Variants in OR51V1 observed in about 807,000 individuals in gnomAD.
OR51V1 encodes the protein olfactory receptor 51V1.
A neutral mutation model predicts 16.3 loss-of-function variants in OR51V1; 16 were observed. The observed-to-expected ratio is 0.98, with a 90% CI of 0.67 to 1.49. The LOEUF is 1.49. Ranked by LOEUF, OR51V1 falls within the 40% of genes most tolerant of loss-of-function variation. The pLI is 0.00. For synonymous variants in OR51V1, 189 were observed against 142.2 expected (o/e 1.33, Z -2.34); for missense variants, 469 against 380.4 (o/e 1.23, Z -1.94).
chr11:5,200,412 T>G lies in OR51V1; in HGVS notation c.271A>C (p.Ile91Leu). 1 of 1,613,730 alleles carries G rather than the reference T, an allele frequency of 6.2e-7. No homozygotes were observed. Among genetic ancestry groups the G allele is most frequent in the Non-Finnish European group, 8.5e-7 (1 of 1,179,906 alleles). Residue 91 changes from isoleucine to leucine, a missense_variant, in exon 1 of 1, where the codon ATC becomes CTC. Physicochemically the swap from Ile to Leu is conservative, Grantham distance 5. Coordinates refer to ENST00000641270, the MANE Select transcript of OR51V1 (RefSeq NM_001004760.3). ...VYTVLGILWG[I>L]IREISLDSCI... ...GAATCCAAGCTGATCTCTCGAATGA[T>G]CCCCCACAGGATCCCCAGCACTGTG...
At position 5,200,287 on chromosome 11, in the gene OR51V1, T is replaced by A; in HGVS notation, c.396A>T (p.Pro132=). ...TAGTCAGGATGGAGGAATAACGTAG[T>A]GGATTGCAAATTGCAATGTACCGGT... ...AFDRYIAICN[P]LRYSSILTNS... The change falls in exon 1 of 1, where the codon CCA becomes CCT. Residue 132 remains proline, a synonymous_variant. Coordinates refer to ENST00000641270, the MANE Select transcript of OR51V1 (RefSeq NM_001004760.3). 6.2e-7 allele frequency: 1 copy of A among 1,613,828 alleles called. No homozygotes were observed. Among genetic ancestry groups the A allele is most frequent in the East Asian group, 2.2e-5 (1 of 44,870 alleles).
In OR51V1 at chr11:5,199,736, CAA is replaced by C. The variant is rs757489937; in HGVS notation, c.945_946del (p.Tyr315Ter). On this transcript the variant is annotated frameshift_variant, in exon 1 of 1. Transcript: ENST00000641270. LOFTEE classifies it high-confidence loss of function. ...TTAGGCAATACATCTCAATATCTCT[CAA>C]TATCTTTTCAGAGAAAAGAGTCTAA... 1.1e-5 allele frequency: 17 copies of C among 1,585,024 alleles called. No homozygotes were observed. The East Asian group carries it at 1.4e-4, about 13-fold the overall frequency.
chr11:5,199,983 G>A lies in OR51V1; in HGVS notation c.700C>T (p.Gln234Ter). 2 of 1,614,082 alleles carry A rather than the reference G, an allele frequency of 1.2e-6. No homozygotes were observed. The highest frequency in any genetic ancestry group is 1.7e-6 in the Non-Finnish European group (2 of 1,179,972). ...ILKSVLAVAS[Q>*]EERHKLFQTC... Reference sequence around the variant, plus strand: ...TGAAATAATTTATGCCTCTCTTCCTGAGAGGCAACTGCCAGGACTGACTTA... The same window carrying A: ...TGAAATAATTTATGCCTCTCTTCCTAAGAGGCAACTGCCAGGACTGACTTA... Residue 234 changes from glutamine to a stop codon, truncating the protein, a stop_gained, in exon 1 of 1, where the codon CAG becomes TAG. Coordinates refer to ENST00000641270, the MANE Select transcript of OR51V1 (RefSeq NM_001004760.3). LOFTEE classifies it high-confidence loss of function.
chr11:5,199,830 G>A lies in OR51V1; in HGVS notation c.853C>T (p.Leu285Phe), dbSNP rs1300462878. 3 of 1,614,072 alleles carry A rather than the reference G, an allele frequency of 1.9e-6. No individual in the cohort carries two copies. In the South Asian group the frequency reaches 3.3e-5, roughly 18 times the overall value. Residue 285 changes from leucine (L) to phenylalanine (F), a missense_variant, in exon 1 of 1, where the codon CTT (leucine) becomes TTT (phenylalanine). Coordinates refer to ENST00000641270, the MANE Select transcript of OR51V1 (RefSeq NM_001004760.3). ...ATGGGATTCATTAAAGGTGGGAAAAGGATGTAGATGTTGCCAATGAGAACG... is the reference window on the plus strand; with the variant it reads ...ATGGGATTCATTAAAGGTGGGAAAAAGATGTAGATGTTGCCAATGAGAACG... ...AHVLIGNIYI[L>F]FPPLMNPIIY...
Position 5,199,740 on chromosome 11 carries a change from A to C in OR51V1, c.943T>G (p.Tyr315Asp). ...GCAATACATCTCAATATCTCTCAAT[A>C]TCTTTTCAGAGAAAAGAGTCTAAGC... ...RMLRLFSLKRY is the reference protein window; with the variant it reads ...RMLRLFSLKRD Residue 315 changes from tyrosine to aspartate, a missense_variant, in exon 1 of 1, where the codon TAT (tyrosine) becomes GAT (aspartate). By Grantham distance (160) the Tyr-to-Asp change is radical. Transcript: ENST00000641270. 7.6e-6 allele frequency: 12 copies of C among 1,587,790 alleles called. No individual in the cohort carries two copies. Among genetic ancestry groups the C allele is most frequent in the Non-Finnish European group, 1.0e-5 (12 of 1,163,964 alleles).
At position 5,199,985 on chromosome 11, in the gene OR51V1, G is replaced by A. The variant is rs762239019; in HGVS notation, c.698C>T (p.Ser233Phe). The stretch of plus-strand genomic sequence containing the variant: ...AAATAATTTATGCCTCTCTTCCTGA[G>A]AGGCAACTGCCAGGACTGACTTAAG... Reference protein sequence around the residue: ...LILKSVLAVASQEERHKLFQT... With the variant: ...LILKSVLAVAFQEERHKLFQT... The change falls in exon 1 of 1, where the codon TCT (serine) becomes TTT (phenylalanine). Residue 233 changes from serine to phenylalanine, a missense_variant. Transcript: ENST00000641270. The A allele has an allele frequency of 1.2e-6, 2 of 1,614,092 alleles. No homozygotes were observed. The highest frequency in any genetic ancestry group is 2.7e-5 in the African/African-American group (2 of 75,020).
Position 5,200,197 on chromosome 11 carries a change from G to T in OR51V1, c.486C>A (p.Pro162=). 1 of 1,611,672 alleles carries T rather than the reference G, an allele frequency of 6.2e-7. No individual in the cohort carries two copies. Among genetic ancestry groups the T allele is most frequent in the Non-Finnish European group, 8.5e-7 (1 of 1,178,666 alleles). Residue 162 remains proline, a synonymous_variant, in exon 1 of 1, where the codon CCC becomes CCA. Coordinates refer to ENST00000641270, the MANE Select transcript of OR51V1 (RefSeq NM_001004760.3). The part of the protein sequence containing the change: ...IGRSFFFITP[P]IICLKFFNYC... Reference sequence around the variant, plus strand: ...AATTAAAAAATTTCAGACAGATGATGGGGGGTGTAATAAAGAAAAAACTCC... The same window carrying T: ...AATTAAAAAATTTCAGACAGATGATTGGGGGTGTAATAAAGAAAAAACTCC...
chr11:5,200,101 G>A lies in OR51V1; in HGVS notation c.582C>T (p.Asp194=). The A allele has an allele frequency of 6.2e-7, 1 of 1,613,820 alleles. No individual in the cohort carries two copies. The highest frequency in any genetic ancestry group is 8.5e-7 in the Non-Finnish European group (1 of 1,179,714). Residue 194 remains aspartate (D), a synonymous_variant, in exon 1 of 1, where the codon GAC becomes GAT. Coordinates refer to ENST00000641270, the MANE Select transcript of OR51V1 (RefSeq NM_001004760.3). ...HQDLLRLACS[D]IRFNSYYALM... ...GGGCATAGTAACTATTGAATCGGAT[G>A]TCTGAACAGGCTAAGCGGAGAAGAT...
At position 5,200,467 on chromosome 11, in the gene OR51V1, A is replaced by G. The variant is rs1243722297; in HGVS notation, c.216T>C (p.Thr72=). 6.2e-7 allele frequency: 1 copy of G among 1,613,928 alleles called. No homozygotes were observed. Among genetic ancestry groups the G allele is most frequent in the East Asian group, 2.2e-5 (1 of 44,844 alleles). ...MFYFLSMLAL[T]DLCMGLSTVY... is the part of the protein sequence containing the mutation. ...CAGTGGACAGCCCCATGCACAGGTC[A>G]GTGAGGGCCAGCATGGACAGGAAGT... The change falls in exon 1 of 1, where the codon ACT becomes ACC. Residue 72 remains threonine, a synonymous_variant. Transcript: ENST00000641270.
In OR51V1 at chr11:5,200,050, C is replaced by T. The variant is rs201823376; in HGVS notation, c.633G>A (p.Leu211=). The T allele has an allele frequency of 1.9e-6, 3 of 1,610,766 alleles. No homozygotes were observed. Among genetic ancestry groups the T allele is most frequent in the African/African-American group, 2.7e-5 (2 of 74,914 alleles). ...AGAAAAGGATGAGTATAGCATCCAA[C>T]AACAGTATGCAAATAACCAGCATCA... is the stretch of plus-strand genomic sequence containing the variant. ...YALMLVICIL[L]LDAILILFSY... Residue 211 remains leucine (L), a synonymous_variant, in exon 1 of 1, where the codon TTG becomes TTA. Transcript: ENST00000641270.
Position 5,199,742 on chromosome 11 carries a change from C to G in OR51V1, c.941G>C (p.Arg314Thr), listed in dbSNP as rs779888708. ...AATACATCTCAATATCTCTCAATATCTTTTCAGAGAAAAGAGTCTAAGCAT... is the reference window on the plus strand; with the variant it reads ...AATACATCTCAATATCTCTCAATATGTTTTCAGAGAAAAGAGTCTAAGCAT... ...TRMLRLFSLKRY is the reference protein window; with the variant it reads ...TRMLRLFSLKTY The change falls in exon 1 of 1, where the codon AGA (arginine) becomes ACA (threonine). Residue 314 changes from arginine (R) to threonine (T), a missense_variant. By Grantham distance (71) the Arg-to-Thr change is moderately conservative. Transcript: ENST00000641270. The G allele has an allele frequency of 1.9e-6, 3 of 1,589,338 alleles. No homozygotes were observed. The highest frequency in any genetic ancestry group is 1.1e-5 in the South Asian group (1 of 88,358).
chr11:5,199,885 A>C lies in OR51V1; in HGVS notation c.798T>G (p.Arg266=). The change falls in exon 1 of 1, where the codon CGT becomes CGG. Residue 266 remains arginine, a synonymous_variant. Coordinates refer to ENST00000641270, the MANE Select transcript of OR51V1 (RefSeq NM_001004760.3). ...CCACGGGGGAAAGGTGCTTGCCAAA[A>C]CGGTGCACCATTGTGAGGCTAATGA... ...IPIISLTMVH[R]FGKHLSPVAH... is the part of the protein sequence containing the mutation. 6.2e-7 allele frequency: 1 copy of C among 1,614,094 alleles called. No individual in the cohort carries two copies. The highest frequency in any genetic ancestry group is 8.5e-7 in the Non-Finnish European group (1 of 1,180,002).
rs74932104 is a variant in OR51V1, at chr11:5,200,516, G to A, written c.167C>T (p.Pro56Leu). 7.2e-4 allele frequency: 1,160 copies of A among 1,613,954 alleles called. 12 individuals are homozygous for A. The African/African-American group carries it at 0.014, about 20-fold the overall frequency. Residue 56 changes from proline (P) to leucine (L), a missense_variant, in exon 1 of 1, where the codon CCA becomes CTA. Physicochemically the swap from Pro to Leu is moderately conservative, Grantham distance 98. Transcript: ENST00000641270. Reference sequence around the variant, plus strand: ...GTAAAACATAGGCTGGTGCAGGCTTGGCTCAGTCCATATCACATGGAGAAC... The same window carrying A: ...GTAAAACATAGGCTGGTGCAGGCTTAGCTCAGTCCATATCACATGGAGAAC... ...CMVLHVIWTE[P>L]SLHQPMFYFL...
At position 5,200,563 on chromosome 11, in the gene OR51V1, C is replaced by T. The variant is rs768075591; in HGVS notation, c.120G>A (p.Met40Ile). The change falls in exon 1 of 1, where the codon ATG becomes ATA. Residue 40 changes from methionine to isoleucine, a missense_variant. Coordinates refer to ENST00000641270, the MANE Select transcript of OR51V1 (RefSeq NM_001004760.3). ...LSIPFSSIYAMVLLGNCMVLH... is the reference protein window; with the variant it reads ...LSIPFSSIYAIVLLGNCMVLH... The stretch of plus-strand genomic sequence containing the variant: ...GAACCATGCAATTGCCCAAAAGCAC[C>T]ATGGCATAGATTGAGGAGAAGGGGA... 3.1e-6 allele frequency: 5 copies of T among 1,613,864 alleles called. No individual in the cohort carries two copies. The highest frequency in any genetic ancestry group is 4.2e-6 in the Non-Finnish European group (5 of 1,179,778).
Position 5,200,451 on chromosome 11 carries a change from G to A in OR51V1, c.232C>T (p.Leu78=). Residue 78 remains leucine, a synonymous_variant, in exon 1 of 1, where the codon CTG becomes TTG. Transcript: ENST00000641270. ...CCCAGCACTGTGTACACAGTGGACA[G>A]CCCCATGCACAGGTCAGTGAGGGCC... ...MLALTDLCMG[L]STVYTVLGIL... 2 of 1,613,990 alleles carry A rather than the reference G, an allele frequency of 1.2e-6. No individual in the cohort carries two copies. The highest frequency in any genetic ancestry group is 1.6e-4 in the Middle Eastern group (1 of 6,062).
Position 5,200,080 on chromosome 11 carries a change from A to G in OR51V1, c.603T>C (p.Tyr201=). 1 of 1,613,528 alleles carries G rather than the reference A, an allele frequency of 6.2e-7. No individual in the cohort carries two copies. Among genetic ancestry groups the G allele is most frequent in the Non-Finnish European group, 8.5e-7 (1 of 1,179,440 alleles). ...GTATGCAAATAACCAGCATCAGGGC[A>G]TAGTAACTATTGAATCGGATGTCTG... ...ACSDIRFNSY[Y]ALMLVICILL... Residue 201 remains tyrosine (Y), a synonymous_variant, in exon 1 of 1, where the codon TAT becomes TAC. Transcript: ENST00000641270.
chr11:5,199,777 A>C lies in OR51V1; in HGVS notation c.906T>G (p.Ile302Met), dbSNP rs768041823. Residue 302 changes from isoleucine to methionine, a missense_variant, in exon 1 of 1, where the codon ATT becomes ATG. By Grantham distance (10) the Ile-to-Met change is conservative. Transcript: ENST00000641270. ...AAAAGAGTCTAAGCATTCTGGTATG[A>C]ATCTGTTGGGTCTTGACACTGTAGA... Reference protein sequence around the residue: ...PIIYSVKTQQIHTRMLRLFSL... With the variant: ...PIIYSVKTQQMHTRMLRLFSL... 1.2e-6 allele frequency: 2 copies of C among 1,612,964 alleles called. No homozygotes were observed. Among genetic ancestry groups the C allele is most frequent in the South Asian group, 2.2e-5 (2 of 90,968 alleles).
rs148749797 is a variant in OR51V1 at position 5,200,078 on chromosome 11, G to A, written c.605C>T (p.Ala202Val). 8.1e-6 allele frequency: 13 copies of A among 1,612,474 alleles called. No individual in the cohort carries two copies. The African/African-American group carries it at 1.7e-4, about 22-fold the overall frequency. The change falls in exon 1 of 1, where the codon GCC becomes GTC. Residue 202 changes from alanine to valine, a missense_variant. Transcript: ENST00000641270. Reference protein sequence around the residue: ...CSDIRFNSYYALMLVICILLL... With the variant: ...CSDIRFNSYYVLMLVICILLL... ...CAGTATGCAAATAACCAGCATCAGG[G>A]CATAGTAACTATTGAATCGGATGTC...
chr11:5,200,357 C>G lies in OR51V1; in HGVS notation c.326G>C (p.Gly109Ala). The G allele has an allele frequency of 1.4e-5, 23 of 1,613,802 alleles. No individual in the cohort carries two copies. Among genetic ancestry groups the G allele is most frequent in the Non-Finnish European group, 1.9e-5 (22 of 1,179,798 alleles). Residue 109 changes from glycine to alanine, a missense_variant, in exon 1 of 1, where the codon GGT (glycine) becomes GCT (alanine). Physicochemically the swap from Gly to Ala is moderately conservative, Grantham distance 60. Transcript: ENST00000641270. Reference sequence around the variant, plus strand: ...GACAGAGGACTCCATGAAGGACAGACCATGGATGAAATAGGACTGGGCAAT... The same window carrying G: ...GACAGAGGACTCCATGAAGGACAGAGCATGGATGAAATAGGACTGGGCAAT... ...SCIAQSYFIH[G>A]LSFMESSVLL...
Sources: gnomAD v4.1 joint callset for allele counts on GRCh38, gnomAD v4.1.1 for gene constraint, MANE v1.5 for transcripts, NCBI Gene and HGNC (gene_info 2026-07-23, HGNC 2026-07-21) for gene names.